EYS: variants seen among roughly 807,000 people sequenced by gnomAD.
EYS encodes the protein protein eyes shut homolog.
A neutral mutation model predicts 282.1 loss-of-function variants in EYS; 250 were observed. That is an observed-to-expected ratio of 0.89 (90% CI 0.80 to 0.98). EYS has a LOEUF of 0.98. Among genes scored for constraint, EYS ranks in the 50% least tolerant of loss-of-function variants. EYS has a pLI of 0.00. For missense variants in EYS, 4,016 were observed against 3,709.0 expected, an observed-to-expected ratio of 1.08 and a Z score of -2.15; for synonymous variants, 1,355 against 1,282.9, an observed-to-expected ratio of 1.06 and a Z score of -1.20.
intron 12 of EYS, among the ~76,000 whole-genome samples, chr6:65,214,926 G>T (rs769013633): frequency 4.5e-4 from 68 of 151,978 alleles, no homozygotes; most frequent in Non-Finnish European, 4.9e-4. Context: ...TTACAGGATG[G>T]TTTACTCAAT....
In EYS at chr6:64,345,711, T is replaced by C. The variant is rs188224746; in HGVS notation, c.6079-38629A>G. Among the ~76,000 whole-genome samples, 85 of 152,132 alleles carry C rather than the reference T, an allele frequency of 5.6e-4. 1 individual carries two copies. The highest frequency in any genetic ancestry group is 1.9e-3 in the African/African-American group (78 of 41,504). On this transcript the variant is annotated intron_variant, in intron 29 of 42. Transcript: ENST00000503581. ...CCAAAAGTGACAAATGGGATCTAAT[T>C]AAACTAAAGAGCTTCTGCACAGCAA...
chr6:64,319,220 GTCAA>G (rs1266805782), intron 29 of EYS, among the ~76,000 whole-genome samples: 2 of 151,804 alleles, frequency 1.3e-5, no homozygotes, highest in African/African-American at 4.8e-5. Context: ...TTAAGAAATA[GTCAA>G]TTGGTATTAC....
intron 36 of EYS, among the ~76,000 whole-genome samples, chr6:63,823,746 A>C (rs1427281058): frequency 1.3e-5 from 2 of 152,154 alleles, no homozygotes; most frequent in African/African-American, 4.8e-5. Context: ...TTTACATCTT[A>C]AAATGGGTAC....
chr6:64,194,689 T>G (rs1052749112), intron 31 of EYS, among the ~76,000 whole-genome samples: 7 of 152,192 alleles, frequency 4.6e-5, no homozygotes, highest in Admixed American at 1.3e-4. Context: ...TTCTTGTGAT[T>G]AGCAACAACG....
At chr6:64,890,346 T>A (rs888350765) in intron 18 of EYS, among the ~76,000 whole-genome samples, 1 of 152,124 alleles carries the variant, frequency 6.6e-6, no homozygotes, top group Non-Finnish European at 1.5e-5. Flanking sequence ...CCCACACCTA[T>A]TCGCACACTT....
intron 41 of EYS, among the ~76,000 whole-genome samples, chr6:63,741,413 C>T (rs550792179): frequency 2.6e-5 from 4 of 152,130 alleles, no homozygotes; most frequent in Admixed American, 2.6e-4. Context: ...ATTTCTAAAA[C>T]AATATTTTGA....
chr6:63,877,867 C>A (rs887462292), intron 35 of EYS, among the ~76,000 whole-genome samples: 8 of 152,162 alleles, frequency 5.3e-5, no homozygotes, highest in Non-Finnish European at 8.8e-5. Context: ...GTTAGCCATT[C>A]ATCTAACCTT....
chr6:65,611,705 A>G (rs1226671430), intron 2 of EYS, among the ~76,000 whole-genome samples: 1 of 152,126 alleles, frequency 6.6e-6, no homozygotes, highest in Non-Finnish European at 1.5e-5. Flanking sequence ...ATACCTTTAC[A>G]GTACAGTTCT....
chr6:65,040,336 T>C (rs1217465743), intron 13 of EYS, among the ~76,000 whole-genome samples: 2 of 151,724 alleles, frequency 1.3e-5, no homozygotes, highest in African/African-American at 2.4e-5. Flanking sequence ...TTGTTGATAA[T>C]GTCTGTCATT....
At chr6:64,635,561 C>T (rs1767946954) in intron 22 of EYS, among the ~76,000 whole-genome samples, 4 of 152,140 alleles carry the variant, frequency 2.6e-5, no homozygotes, top group Admixed American at 6.6e-5. Flanking sequence ...CAAAGGCCTT[C>T]TCTGCATCTA....
intron 12 of EYS, among the ~76,000 whole-genome samples, chr6:65,215,209 A>G (rs550195353): frequency 1.3e-5 from 2 of 152,178 alleles, no homozygotes; most frequent in Non-Finnish European, 2.9e-5. Context: ...ATATTGAAAC[A>G]TTCTGGAAAG....
At chr6:64,403,942 A>G (rs1369708134) in intron 28 of EYS, among the ~76,000 whole-genome samples, 1 of 152,144 alleles carries the variant, frequency 6.6e-6, no homozygotes, top group East Asian at 1.9e-4. Flanking sequence ...GAATCCAAAA[A>G]TCAGCCCACT....
intron 26 of EYS, among the ~76,000 whole-genome samples, chr6:64,532,513 T>C (rs1582861560): frequency 6.6e-6 from 1 of 151,948 alleles, no homozygotes; most frequent in Non-Finnish European, 1.5e-5. Context: ...ATCGAGACCA[T>C]CCTGGCTAAC....
chr6:64,262,961 C>T (rs1425545766), intron 30 of EYS, among the ~76,000 whole-genome samples: 1 of 152,016 alleles, frequency 6.6e-6, no homozygotes, highest in Non-Finnish European at 1.5e-5. Context: ...GTGCTAAAAG[C>T]ATGATTTTTG....
chr6:64,896,508 C>T (rs569908517), intron 18 of EYS, among the ~76,000 whole-genome samples: 14 of 151,710 alleles, frequency 9.2e-5, no homozygotes, highest in South Asian at 6.3e-4. Context: ...ACTGGGTGGC[C>T]GTTTGGGCAG....
At chr6:65,010,064 G>T (rs1197633726) in intron 13 of EYS, among the ~76,000 whole-genome samples, 1 of 152,142 alleles carries the variant, frequency 6.6e-6, no homozygotes, top group African/African-American at 2.4e-5. Context: ...CCTAAAGAAG[G>T]CCCTAACCCA....
intron 12 of EYS, among the ~76,000 whole-genome samples, chr6:65,136,444 A>C (rs962045971): frequency 1.3e-5 from 2 of 152,076 alleles, no homozygotes; most frequent in Admixed American, 6.6e-5. Flanking sequence ...TATCTGAGCT[A>C]CTTCGAGAAA....
intron 12 of EYS, among the ~76,000 whole-genome samples, chr6:65,295,187 T>C (rs1768628375): frequency 6.6e-6 from 1 of 151,888 alleles, no homozygotes; most frequent in Admixed American, 6.6e-5. Flanking sequence ...TAATTGTTTT[T>C]CTGTATGGCC....
chr6:64,770,991 T>C (rs1773507778), intron 22 of EYS, among the ~76,000 whole-genome samples: 1 of 151,802 alleles, frequency 6.6e-6, no homozygotes, highest in African/African-American at 2.4e-5. Flanking sequence ...TTGTTTTAAC[T>C]GAGCCCTTGT....
Sources: gnomAD v4.1 joint callset for allele counts (sites outside exome capture counted in the v4.1 genomes callset) on GRCh38, gnomAD v4.1.1 for gene constraint, MANE v1.5 for transcripts, NCBI Gene and HGNC (gene_info 2026-07-23, HGNC 2026-07-21) for gene names.